Variants in KIAA1328 observed in about 807,000 individuals in gnomAD.
KIAA1328 encodes protein hinderin.
A neutral mutation model predicts 68.1 loss-of-function variants in KIAA1328; 52 were observed. The ratio of observed to expected loss-of-function variants is 0.76; its 90% confidence interval spans 0.61 to 0.96. The LOEUF (loss-of-function observed/expected upper bound fraction) is 0.96. KIAA1328 is among the 40% of genes least tolerant of loss of function. The probability of loss-of-function intolerance (pLI) is 0.00; values close to 1 mark genes in which losing one functional copy is unlikely to be tolerated. For missense variants in KIAA1328, 641 were observed against 677.6 expected (o/e 0.95, Z 0.60); for synonymous variants, 232 against 239.4 (o/e 0.97, Z 0.28).
chr18:37,114,008 G>A (rs1341921703), intron 7 of KIAA1328, among the ~76,000 whole-genome samples: 1 of 152,098 alleles, frequency 6.6e-6, no homozygotes. Flanking sequence ...GATTCATAAA[G>A]CAAGTCCTTA....
chr18:37,227,510 C>T (rs1482565528), downstream of KIAA1328, among the ~76,000 whole-genome samples: 3 of 152,264 alleles, frequency 2.0e-5, no homozygotes, highest in Non-Finnish European at 4.4e-5. Context: ...TTTACAATTC[C>T]GAAAATCCAA....
chr18:37,221,102 C>T (rs534796487), intron 9 of KIAA1328, among the ~76,000 whole-genome samples: 11 of 152,302 alleles, frequency 7.2e-5, no homozygotes, highest in Non-Finnish European at 1.3e-4. Flanking sequence ...GCTGGGATTA[C>T]AGGCATGAAC....
At chr18:37,004,677 G>A (rs145306077) in intron 6 of KIAA1328, among the ~76,000 whole-genome samples, 221 of 152,178 alleles carry the variant, frequency 1.5e-3, no homozygotes, top group Non-Finnish European at 2.4e-3. Flanking sequence ...CAACAACTAT[G>A]GGAAACAGTG....
rs907103571 is a variant in KIAA1328, at chr18:37,127,031, A to T, written c.1233-33169A>T. Among the ~76,000 whole-genome samples, 4 of 152,348 alleles carry T rather than the reference A, an allele frequency of 2.6e-5. No homozygotes were observed. In the South Asian group the frequency reaches 6.2e-4, roughly 24 times the overall value. On this transcript the variant is annotated intron_variant, in intron 7 of 9. Coordinates refer to ENST00000280020, the MANE Select transcript of KIAA1328 (RefSeq NM_020776.3). ...TACTAAGACTGGAAACAAGGCAAAGATGTTCACTCTATTGACTTCTATTCG... is the reference window on the plus strand; with the variant it reads ...TACTAAGACTGGAAACAAGGCAAAGTTGTTCACTCTATTGACTTCTATTCG...
chr18:36,986,083 C>A (rs2052911236), intron 6 of KIAA1328, among the ~76,000 whole-genome samples: 1 of 151,920 alleles, frequency 6.6e-6, no homozygotes, highest in Admixed American at 6.6e-5. Context: ...ATACACCTAC[C>A]ATATAATCCA....
intron 5 of KIAA1328, among the ~76,000 whole-genome samples, chr18:36,890,307 G>T (rs2048640456): frequency 1.3e-5 from 2 of 150,048 alleles, no homozygotes; most frequent in South Asian, 4.2e-4. Flanking sequence ...CCAAATCAAT[G>T]ATATTATCTA....
intron 6 of KIAA1328, among the ~76,000 whole-genome samples, chr18:37,057,009 A>AT (rs1350020819): frequency 2.0e-5 from 3 of 152,054 alleles, no homozygotes; most frequent in East Asian, 1.9e-4. Flanking sequence ...TAATCTATAG[A>AT]TTTTTTCCTG....
At chr18:36,953,212 T>G (rs2051236502) in intron 5 of KIAA1328, among the ~76,000 whole-genome samples, 1 of 147,876 alleles carries the variant, frequency 6.8e-6, no homozygotes, top group Admixed American at 6.8e-5. Context: ...TAATTGTATA[T>G]AAACATAATT....
At chr18:36,910,196 C>G (rs1335372314) in intron 5 of KIAA1328, among the ~76,000 whole-genome samples, 2 of 152,022 alleles carry the variant, frequency 1.3e-5, no homozygotes, top group African/African-American at 4.8e-5. Context: ...AGTCCTTGCC[C>G]ATGCCTATGT....
intron 4 of KIAA1328, among the ~76,000 whole-genome samples, chr18:36,859,966 A>T: frequency 6.7e-6 from 1 of 149,562 alleles, no homozygotes; most frequent in African/African-American, 2.5e-5. Flanking sequence ...TTCTCTCTAA[A>T]TGTTTTCTTA....
chr18:37,043,318 A>T (rs1324097170), intron 6 of KIAA1328, among the ~76,000 whole-genome samples: 3 of 151,494 alleles, frequency 2.0e-5, no homozygotes, highest in Non-Finnish European at 4.4e-5. Context: ...GTTTCTTTGC[A>T]CTTCTTGTAA....
chr18:36,924,945 C>T (rs963744221), intron 5 of KIAA1328: 2 of 152,104 alleles, frequency 1.3e-5, no homozygotes, highest in African/African-American at 4.8e-5. Context: ...AGTGTAGTAT[C>T]CTGAAACACC....
chr18:36,884,468 A>G lies in KIAA1328; in HGVS notation c.333-1089A>G, dbSNP rs184012313. On this transcript the variant is annotated intron_variant, in intron 4 of 9. Transcript: ENST00000280020. ...TGCTTTGACACAAATTATTTCAAAGATAAGATACAATCAACTCTTGAACAT... is the reference window on the plus strand; with the variant it reads ...TGCTTTGACACAAATTATTTCAAAGGTAAGATACAATCAACTCTTGAACAT... Among the ~76,000 whole-genome samples the G allele has an allele frequency of 1.1e-3, 168 of 152,338 alleles. 3 individuals are homozygous for G. The highest frequency in any genetic ancestry group is 3.9e-3 in the African/African-American group (161 of 41,578).
intron 5 of KIAA1328, among the ~76,000 whole-genome samples, chr18:36,920,281 T>C (rs1056853177): frequency 6.6e-6 from 1 of 152,180 alleles, no homozygotes; most frequent in Non-Finnish European, 1.5e-5. Flanking sequence ...TAGGCAGTTA[T>C]CCCAACACCA....
At position 36,953,373 on chromosome 18, in the gene KIAA1328, T is replaced by TATAG. The variant is rs10617798; in HGVS notation, c.449-5889_449-5886dup. 3.1e-3 allele frequency among the ~76,000 whole-genome samples: 439 copies of TATAG among 140,704 alleles called. 1 individual carries two copies. Among genetic ancestry groups the TATAG allele is most frequent in the South Asian group, 5.8e-3 (25 of 4,302 alleles). 92.3% of individuals were successfully genotyped at this position (140,704 alleles called of 152,430 possible). A position where few individuals can be genotyped will look rare whatever the true frequency, so the allele number is the denominator to read the frequency against. Reference sequence around the variant, plus strand: ...AGCAGATATAGCCAATGCCAACAACTATAGATAGATAGATAGATAGATAGA... The same window carrying TATAG: ...AGCAGATATAGCCAATGCCAACAACTATAGATAGATAGATAGATAGATAGATAGA... On this transcript the variant is annotated intron_variant, in intron 5 of 9. Coordinates refer to ENST00000280020, the MANE Select transcript of KIAA1328 (RefSeq NM_020776.3).
chr18:37,130,027 G>A (rs1218709051), intron 7 of KIAA1328, among the ~76,000 whole-genome samples: 2 of 152,140 alleles, frequency 1.3e-5, no homozygotes, highest in African/African-American at 2.4e-5. Context: ...TTAGTAAAGC[G>A]AGATATGAGG....
At position 37,124,128 on chromosome 18, in the gene KIAA1328, C is replaced by T. The variant is rs114169006; in HGVS notation, c.1233-36072C>T. 5.8e-3 allele frequency among the ~76,000 whole-genome samples: 887 copies of T among 152,254 alleles called. 11 individuals are homozygous for T. Among genetic ancestry groups the T allele is most frequent in the African/African-American group, 0.02 (823 of 41,558 alleles). On this transcript the variant is annotated intron_variant, in intron 7 of 9. Transcript: ENST00000280020. The stretch of plus-strand genomic sequence containing the variant: ...GGTTACCAGTTTCTTCTCCAGAATG[C>T]CTCGTTGACTAAATACTAAGGTTGC...
chr18:36,972,362 T>C (rs1007476809), intron 6 of KIAA1328, among the ~76,000 whole-genome samples: 1 of 152,168 alleles, frequency 6.6e-6, no homozygotes, highest in African/African-American at 2.4e-5. Context: ...AGGTGCAGTG[T>C]TTTTTATACC....
intron 6 of KIAA1328, among the ~76,000 whole-genome samples, chr18:36,971,281 T>G (rs918655170): frequency 7.9e-5 from 12 of 152,154 alleles, no homozygotes; most frequent in African/African-American, 2.7e-4. Flanking sequence ...CCTTGCACCT[T>G]ATACAAAAAA....
Sources: allele counts gnomAD v4.1 joint callset (sites outside exome capture counted in the v4.1 genomes callset), GRCh38; gene constraint gnomAD v4.1.1; transcripts MANE v1.5; gene names NCBI Gene and HGNC (gene_info 2026-07-23, HGNC 2026-07-21).